The following PIGX variants were observed in gnomAD, a reference collection of about 807,000 sequenced individuals.
The protein encoded by PIGX is GPI alpha-1,4-mannosyltransferase I, stabilizing subunit.
In PIGX, 24 loss-of-function variants were observed where a neutral mutation model predicts 28.7. That is an observed-to-expected ratio of 0.84 (90% CI 0.60 to 1.17). The LOEUF is 1.17. PIGX is among the 50% of genes most tolerant of loss of function. PIGX has a pLI of 0.00. For missense variants in PIGX, 305 were observed against 317.8 expected, an observed-to-expected ratio of 0.96 and a Z score of 0.31; for synonymous variants, 127 against 121.0, an observed-to-expected ratio of 1.05 and a Z score of -0.33.
intron 5 of PIGX, 112 bp downstream of exon 5, chr3:196,731,204 G>T: frequency 2.1e-6 from 1 of 470,542 alleles, no homozygotes; most frequent in Non-Finnish European, 3.9e-6. Context: ...TTTAGGCGGA[G>T]TCTCGCTCTG....
chr3:196,732,280 T>TA (rs1560080854), intron 5 of PIGX, among the ~76,000 whole-genome samples: 1 of 87,436 alleles, frequency 1.1e-5, no homozygotes, highest in Admixed American at 1.2e-4. Flanking sequence ...TATTTTTTTT[T>TA]TTATTTTATT....
Position 196,734,217 on chromosome 3 carries a change from A to G in PIGX, c.*315A>G, listed in dbSNP as rs1712925468. 1 of 213,670 alleles carries G rather than the reference A, an allele frequency of 4.7e-6. No individual in the cohort carries two copies. Among genetic ancestry groups the G allele is most frequent in the Non-Finnish European group, 9.3e-6 (1 of 107,842 alleles). 13.2% of individuals were successfully genotyped at this position (213,670 alleles called of 1,614,324 possible). ...TTATTTCTTTATGTAGTAGAGACAA[A>G]TTATTCTCATTTTGCAAGTACTTTC... On this transcript the variant is annotated 3_prime_UTR_variant, in exon 6 of 6. Transcript: ENST00000392391.
At chr3:196,716,983 A>C in intron 2 of PIGX, 62 bp downstream of exon 2, 1 of 1,002,108 alleles carries the variant, frequency 1.0e-6, no homozygotes, top group Non-Finnish European at 1.6e-6. Context: ...GAGAGCAAAA[A>C]ATTGATGGTT....
rs574339999 is a variant in PIGX, at chr3:196,733,717, A to G, written c.634-42A>G. The G allele has an allele frequency of 2.1e-5, 31 of 1,491,144 alleles. No individual in the cohort carries two copies. The South Asian group carries it at 3.2e-4, about 15-fold the overall frequency. The allele number at this position is 1,491,144 out of a possible 1,614,324, so 92.4% of individuals were successfully genotyped here. ...CATGAGCTACCACACCGGGCCCATG[A>G]CATGCATTTTCAATGTCTAACTTCT... On this transcript the variant is annotated intron_variant, in intron 5 of 5. Transcript: ENST00000392391. The surrounding 1 kb of genome is among the most constrained non-coding windows in gnomAD (Gnocchi z 4.3).
chr3:196,732,783 C>T (rs1712866710), intron 5 of PIGX, among the ~76,000 whole-genome samples: 1 of 152,036 alleles, frequency 6.6e-6, no homozygotes, highest in South Asian at 2.1e-4. Context: ...AAAAAGTATT[C>T]CCAAGTTACG....
chr3:196,715,074 CA>C (rs1712040052), intron 1 of PIGX, among the ~76,000 whole-genome samples: 1 of 151,108 alleles, frequency 6.6e-6, no homozygotes, highest in Non-Finnish European at 1.5e-5. Flanking sequence ...GACTCCGTCT[CA>C]AAAAATAAAT....
intron 1 of PIGX, among the ~76,000 whole-genome samples, chr3:196,713,948 G>T (rs76922587): frequency 6.6e-6 from 1 of 151,962 alleles, no homozygotes; most frequent in South Asian, 2.1e-4. Flanking sequence ...CAACAAATTC[G>T]TTTTAAAAAT....
At chr3:196,730,242 A>G (rs1483028309) in intron 4 of PIGX, among the ~76,000 whole-genome samples, 1 of 152,130 alleles carries the variant, frequency 6.6e-6, no homozygotes, top group Non-Finnish European at 1.5e-5. Context: ...ACCTCTTAGC[A>G]TAAATAAAGT....
chr3:196,716,793 A>G, intron 1 of PIGX, 65 bp from the exon 2 acceptor site: 1 of 767,294 alleles, frequency 1.3e-6, no homozygotes, highest in Non-Finnish European at 1.9e-6. Context: ...ACTCTTTTAT[A>G]ATTATTTAAA....
chr3:196,715,000 T>C (rs55955392), intron 1 of PIGX, among the ~76,000 whole-genome samples: 64,279 of 151,934 alleles, frequency 0.42, 13,972 homozygotes, highest in East Asian at 0.56. Flanking sequence ...TGCTTGAACC[T>C]GGGAGGCAGA....
chr3:196,732,249 TATATATATTTTATTTTATTTTA>T (rs1560080677), intron 5 of PIGX, among the ~76,000 whole-genome samples: 19 of 35,596 alleles, frequency 5.3e-4, no homozygotes, highest in African/African-American at 1.3e-3. Context: ...TATATATATA[TATATATATTTTATTTTATTTTA>T]TTTTTTTTTT....
intron 2 of PIGX, among the ~76,000 whole-genome samples, chr3:196,719,510 T>C (rs1460646842): frequency 6.6e-6 from 1 of 152,186 alleles, no homozygotes; most frequent in East Asian, 1.9e-4. Context: ...TGATTAGCTA[T>C]ACCTCTCTGT....
rs1026466424 is a variant in PIGX at position 196,733,405 on chromosome 3, T to TTTTA, written c.634-334_634-331dup. Among the ~76,000 whole-genome samples, 30 of 152,072 alleles carry TTTTA rather than the reference T, an allele frequency of 2.0e-4. 1 individual carries two copies. Among genetic ancestry groups the TTTTA allele is most frequent in the African/African-American group, 6.7e-4 (28 of 41,498 alleles). ...TATGACATTTATTTTATTTTACTAT[T>TTTTA]TTTATTTATTTATTTATTTATTTGA... On this transcript the variant is annotated intron_variant, in intron 5 of 5. Coordinates refer to ENST00000392391, the MANE Select transcript of PIGX (RefSeq NM_017861.4). The surrounding 1 kb of genome is among the most constrained non-coding windows in gnomAD (Gnocchi z 4.3).
chr3:196,732,258 TTTA>T (rs1712826429), intron 5 of PIGX, among the ~76,000 whole-genome samples: 4 of 35,592 alleles, frequency 1.1e-4, no homozygotes, highest in South Asian at 1.1e-3. Flanking sequence ...ATATATATAT[TTTA>T]TTTTATTTTA....
rs749521246 is a variant in PIGX at position 196,733,739 on chromosome 3, TTC to T, written c.634-7_634-6del. 2.6e-4 allele frequency: 401 copies of T among 1,561,306 alleles called. No homozygotes were observed. The highest frequency in any genetic ancestry group is 3.4e-4 in the Middle Eastern group (2 of 5,942). On this transcript the variant is annotated intron_variant, in intron 5 of 5. Coordinates refer to ENST00000392391, the MANE Select transcript of PIGX (RefSeq NM_017861.4). This position sits in a 1 kb window ranked among gnomAD's most constrained non-coding sequence, Gnocchi z 4.3. ...ATGACATGCATTTTCAATGTCTAACTTCTCTCTCTCTCTCCATAGGTATATAA... is the reference window on the plus strand; with the variant it reads ...ATGACATGCATTTTCAATGTCTAACTTCTCTCTCTCTCCATAGGTATATAA...
chr3:196,715,036 A>G (rs2108674323), intron 1 of PIGX, among the ~76,000 whole-genome samples: 1 of 152,330 alleles, frequency 6.6e-6, no homozygotes, highest in Admixed American at 6.5e-5. Flanking sequence ...AGATCGTGCA[A>G]CTGCAGTGCA....
rs1174607982 is a variant in PIGX at position 196,735,210 on chromosome 3, G to C, written c.*1308G>C. On this transcript the variant is annotated 3_prime_UTR_variant, in exon 6 of 6. Coordinates refer to ENST00000392391, the MANE Select transcript of PIGX (RefSeq NM_017861.4). ...CTCGGGAGGCTGAGGCAGGAGAATG[G>C]CATGAACCCGGAAGGCAGAGCTTGC... 7.3e-6 allele frequency: 1 copy of C among 137,760 alleles called. No individual in the cohort carries two copies. Among genetic ancestry groups the C allele is most frequent in the African/African-American group, 2.7e-5 (1 of 36,588 alleles). The allele number at this position is 137,760 out of a possible 1,614,324, so 8.5% of individuals were successfully genotyped here. A position where few individuals can be genotyped will look rare whatever the true frequency, so the allele number is the denominator to read the frequency against.
At position 196,733,650 on chromosome 3, in the gene PIGX, C is replaced by T. The variant is rs575999205; in HGVS notation, c.634-109C>T. The T allele has an allele frequency of 3.3e-5, 24 of 733,898 alleles. 1 individual carries two copies. The highest frequency in any genetic ancestry group is 6.3e-5 in the Admixed American group (3 of 47,622). The allele number at this position is 733,898 out of a possible 1,614,324, so 45.5% of individuals were successfully genotyped here. The stretch of plus-strand genomic sequence containing the variant: ...CTGGTTTTGAACTCCTGACCTCAAG[C>T]GATCTGCCCGCCTTGGCCTCCCGAA... On this transcript the variant is annotated intron_variant, in intron 5 of 5. Transcript: ENST00000392391. The surrounding 1 kb of genome is among the most constrained non-coding windows in gnomAD (Gnocchi z 4.3).
Position 196,712,579 on chromosome 3 carries a change from T to A in PIGX, c.47T>A (p.Leu16His). The change falls in exon 1 of 6, where the codon CTC becomes CAC. Residue 16 changes from leucine to histidine, a missense_variant. By Grantham distance (99) the Leu-to-His change is moderately conservative. Transcript: ENST00000392391. Reference sequence around the variant, plus strand: ...GTTCGGGCGGCCGCCTGGCTGCTCCTCGGGGCGGCGACCGGGCTCACGCGC... The same window carrying A: ...GTTCGGGCGGCCGCCTGGCTGCTCCACGGGGCGGCGACCGGGCTCACGCGC... 8.4e-7 allele frequency: 1 copy of A among 1,189,656 alleles called. No individual in the cohort carries two copies. Among genetic ancestry groups the A allele is most frequent in the Non-Finnish European group, 1.0e-6 (1 of 960,888 alleles). The allele number at this position is 1,189,656 out of a possible 1,614,324, so 73.7% of individuals were successfully genotyped here. A position where few individuals can be genotyped will look rare whatever the true frequency, so the allele number is the denominator to read the frequency against.
Sources: gnomAD v4.1 joint callset for allele counts (sites outside exome capture counted in the v4.1 genomes callset) on GRCh38, gnomAD v4.1.1 for gene constraint, Gnocchi (gnomAD v3.1) non-coding constraint, MANE v1.5 for transcripts, NCBI Gene and HGNC (gene_info 2026-07-23, HGNC 2026-07-21) for gene names.